DNAL1: variants seen among roughly 807,000 people sequenced by gnomAD.
DNAL1 encodes dynein axonemal light chain 1.
In DNAL1, 17 loss-of-function variants were observed where a neutral mutation model predicts 29.4. The ratio of observed to expected loss-of-function variants is 0.58; its 90% CI spans 0.40 to 0.87. DNAL1 has a LOEUF of 0.87. Among genes scored for constraint, DNAL1 ranks in the 40% least tolerant of loss-of-function variants. DNAL1 has a pLI of 0.00. For synonymous variants in DNAL1, 78 were observed against 76.3 expected (o/e 1.02, Z -0.12); for missense variants, 188 against 214.1 (o/e 0.88, Z 0.76).
chr14:73,685,679 C>T (rs1237663829), intron 5 of DNAL1, among the ~76,000 whole-genome samples: 2 of 152,088 alleles, frequency 1.3e-5, no homozygotes, highest in African/African-American at 2.4e-5. Context: ...CCAGGCTGGT[C>T]TCAAACTCCT....
intron 4 of DNAL1, among the ~76,000 whole-genome samples, chr14:73,665,543 C>T (rs1332352058): frequency 6.6e-6 from 1 of 152,096 alleles, no homozygotes; most frequent in East Asian, 1.9e-4. Flanking sequence ...GTAATCCCAG[C>T]ACTTTGGGAG....
chr14:73,694,272 A>AAATAAATC, intron 7 of DNAL1, among the ~76,000 whole-genome samples: 1 of 150,704 alleles, frequency 6.6e-6, no homozygotes, highest in Middle Eastern at 3.4e-3. Context: ...ATAAATAAAT[A>AAATAAATC]AATAAATAAA....
chr14:73,664,656 C>T (rs1754160744), intron 4 of DNAL1, among the ~76,000 whole-genome samples: 1 of 151,958 alleles, frequency 6.6e-6, no homozygotes, highest in East Asian at 1.9e-4. Flanking sequence ...ATCACTTAAG[C>T]TTAGGAGTTC....
intron 4 of DNAL1, among the ~76,000 whole-genome samples, chr14:73,664,101 G>A (rs1891419452): frequency 6.6e-6 from 1 of 152,212 alleles, no homozygotes. Context: ...ATTACACAAA[G>A]AAGAATCTGT....
intron 5 of DNAL1, among the ~76,000 whole-genome samples, chr14:73,680,745 G>A (rs888266827): frequency 1.3e-5 from 2 of 152,086 alleles, no homozygotes; most frequent in Admixed American, 6.6e-5. Context: ...TTAGGCAATC[G>A]TTGTTGTGTG....
chr14:73,651,992 T>G (rs1309835945), intron 1 of DNAL1, among the ~76,000 whole-genome samples: 2 of 152,132 alleles, frequency 1.3e-5, no homozygotes, highest in African/African-American at 4.8e-5. Context: ...TCTATAGTTA[T>G]TTCTCTGTAT....
chr14:73,663,486 G>A (rs1461033594), intron 4 of DNAL1, among the ~76,000 whole-genome samples: 7 of 152,048 alleles, frequency 4.6e-5, no homozygotes, highest in East Asian at 1.9e-4. Flanking sequence ...GATTATAGGC[G>A]TGAGCCACCA....
chr14:73,675,883 C>T (rs1242197132), intron 5 of DNAL1, among the ~76,000 whole-genome samples: 3 of 151,914 alleles, frequency 2.0e-5, no homozygotes, highest in Non-Finnish European at 2.9e-5. Context: ...GGCCTGGTGG[C>T]GCGTGCCTGT....
At chr14:73,684,787 C>G (rs1459450341) in intron 5 of DNAL1, among the ~76,000 whole-genome samples, 4 of 152,140 alleles carry the variant, frequency 2.6e-5, no homozygotes, top group Non-Finnish European at 5.9e-5. Context: ...GTTCTAACTA[C>G]TCAGGGGGCT....
chr14:73,677,884 T>TGTGTGTGTGTGTG (rs1555402397), intron 5 of DNAL1, among the ~76,000 whole-genome samples: 101 of 96,130 alleles, frequency 1.1e-3, no homozygotes, highest in African/African-American at 3.6e-3. Context: ...ATATATATAT[T>TGTGTGTGTGTGTG]TGTGTGTGTG....
chr14:73,657,014 G>A (rs1285068958), intron 2 of DNAL1, among the ~76,000 whole-genome samples: 2 of 151,882 alleles, frequency 1.3e-5, no homozygotes, highest in African/African-American at 4.8e-5. Context: ...AAACTCCTGA[G>A]CTCAAGTGAT....
chr14:73,669,497 G>A (rs1009828166), intron 4 of DNAL1, among the ~76,000 whole-genome samples: 70 of 151,886 alleles, frequency 4.6e-4, no homozygotes, highest in African/African-American at 1.6e-3. Context: ...GGATGGTCTC[G>A]ATCTTCTGAC....
chr14:73,658,816 G>A (rs528051790), intron 2 of DNAL1, 31 bp from the exon 3 acceptor site: 19 of 1,547,018 alleles, frequency 1.2e-5, no homozygotes, highest in African/African-American at 2.7e-5. Flanking sequence ...GCAATCATGG[G>A]TTATTTCTTC....
In DNAL1 at chr14:73,671,549, G is replaced by A. The variant is rs1891614891; in HGVS notation, c.216G>A (p.Leu72=). The A allele has an allele frequency of 2.7e-6, 4 of 1,487,142 alleles. No homozygotes were observed. The highest frequency in any genetic ancestry group is 1.4e-5 in the African/African-American group (1 of 69,786). The allele number at this position is 1,487,142 out of a possible 1,614,324, so 92.1% of individuals were successfully genotyped here. The change falls in exon 5 of 8, where the codon TTG becomes TTA. Residue 72 remains leucine, a synonymous_variant. Coordinates refer to ENST00000553645, the MANE Select transcript of DNAL1 (RefSeq NM_031427.4). The part of the protein sequence containing the change: ...KIANLNGLKN[L]RILSLGRNNI... ...GTTTTCTTTTCACTACAGAAAACTT[G>A]AGGATATTATCTTTAGGAAGAAACA...
intron 7 of DNAL1, among the ~76,000 whole-genome samples, chr14:73,693,630 G>A (rs1892227263): frequency 6.6e-6 from 1 of 152,110 alleles, no homozygotes; most frequent in African/African-American, 2.4e-5. Flanking sequence ...AAGATTGCTT[G>A]AGTCTGGGAG....
intron 1 of DNAL1, 89 bp from the exon 2 acceptor site, chr14:73,654,758 C>A: frequency 7.9e-7 from 1 of 1,258,856 alleles, no homozygotes. Flanking sequence ...GATTCTGTCT[C>A]AAAATAAATA....
chr14:73,662,111 T>C, intron 4 of DNAL1, 69 bp downstream of exon 4: 1 of 1,333,802 alleles, frequency 7.5e-7, no homozygotes. Flanking sequence ...CCGGAGACAA[T>C]ATGTAATTCC....
chr14:73,700,760 T>TA lies in DNAL1; in HGVS notation c.*4818_*4819insA, dbSNP rs551547729. 3.3e-4 allele frequency: 51 copies of TA among 152,340 alleles called. No homozygotes were observed. Among genetic ancestry groups the TA allele is most frequent in the African/African-American group, 1.2e-3 (49 of 41,574 alleles). 9.4% of individuals were successfully genotyped at this position (152,340 alleles called of 1,614,324 possible). Reference sequence around the variant, plus strand: ...TACCCTTTACTAGAAATTCATTCCTTTGGCACAGATTTTATTTATTTGGGG... The same window carrying TA: ...TACCCTTTACTAGAAATTCATTCCTTATGGCACAGATTTTATTTATTTGGGG... On this transcript the variant is annotated 3_prime_UTR_variant, in exon 8 of 8. Transcript: ENST00000553645.
At chr14:73,655,356 T>C (rs1891194972) in intron 2 of DNAL1, among the ~76,000 whole-genome samples, 1 of 151,212 alleles carries the variant, frequency 6.6e-6, no homozygotes, top group African/African-American at 2.4e-5. Context: ...CTTTTTTTTT[T>C]TTTTTGAGAC....
Sources: gnomAD v4.1 joint callset for allele counts (sites outside exome capture counted in the v4.1 genomes callset) on GRCh38, gnomAD v4.1.1 for gene constraint, MANE v1.5 for transcripts, NCBI Gene and HGNC (gene_info 2026-07-23, HGNC 2026-07-21) for gene names.